TTC39B: variants seen among roughly 807,000 people sequenced by gnomAD.
TTC39B encodes the protein tetratricopeptide repeat protein 39B.
Under a neutral mutation model 96.6 loss-of-function variants are expected in TTC39B, and 92 were observed. The ratio of observed to expected loss-of-function variants is 0.95; its 90% CI spans 0.80 to 1.13. TTC39B has a LOEUF of 1.13. Among genes scored for constraint, TTC39B ranks in the 50% most tolerant of loss-of-function variants. TTC39B has a pLI of 0.00. For missense variants in TTC39B, 955 were observed against 809.3 expected, an observed-to-expected ratio of 1.18 and a Z score of -2.18; for synonymous variants, 367 against 299.4, an observed-to-expected ratio of 1.23 and a Z score of -2.33.
At chr9:15,270,298 A>G (rs1823295757) in intron 1 of TTC39B, among the ~76,000 whole-genome samples, 1 of 152,210 alleles carries the variant, frequency 6.6e-6, no homozygotes, top group Non-Finnish European at 1.5e-5. Flanking sequence ...ACAGGTTATC[A>G]TGTGAGTAGT....
At chr9:15,292,056 T>C (rs978309523) in intron 1 of TTC39B, among the ~76,000 whole-genome samples, 1 of 152,216 alleles carries the variant, frequency 6.6e-6, no homozygotes, top group Non-Finnish European at 1.5e-5. Context: ...AATTAGCAAA[T>C]ATGTGTAAAG....
At chr9:15,195,334 C>T (rs1379430100) in intron 8 of TTC39B, among the ~76,000 whole-genome samples, 1 of 152,056 alleles carries the variant, frequency 6.6e-6, no homozygotes, top group Non-Finnish European at 1.5e-5. Context: ...TGGAAGCTAA[C>T]AGAGGTTGTT....
intron 1 of TTC39B, among the ~76,000 whole-genome samples, chr9:15,304,481 C>T (rs1184257393): frequency 6.6e-6 from 1 of 152,154 alleles, no homozygotes; most frequent in Non-Finnish European, 1.5e-5. Context: ...ATTTATCATA[C>T]TAGCACCTAA....
At chr9:15,208,414 A>T (rs1820000123) in intron 6 of TTC39B, among the ~76,000 whole-genome samples, 1 of 152,174 alleles carries the variant, frequency 6.6e-6, no homozygotes, top group South Asian at 2.1e-4. Context: ...CAGCCTTCAT[A>T]CTAAAAGGAA....
At chr9:15,199,838 C>CCACATCTT (rs1564338056) in intron 8 of TTC39B, 23 bp downstream of exon 8, 1 of 1,297,552 alleles carries the variant, frequency 7.7e-7, no homozygotes, top group South Asian at 1.2e-5. Context: ...TATTTACAAA[C>CCACATCTT]CACATCTTAC....
chr9:15,300,722 C>A (rs1480383943), intron 1 of TTC39B, among the ~76,000 whole-genome samples: 1 of 151,968 alleles, frequency 6.6e-6, no homozygotes, highest in Non-Finnish European at 1.5e-5. Flanking sequence ...CCCGTCTCTA[C>A]TAAAAATACA....
chr9:15,268,954 G>A (rs908270755), intron 1 of TTC39B, among the ~76,000 whole-genome samples: 2 of 152,010 alleles, frequency 1.3e-5, no homozygotes, highest in South Asian at 2.1e-4. Context: ...AAACAGCCCC[G>A]CCAGCCTCTG....
At chr9:15,169,285 G>C (rs1564301329) in exon 20 of TTC39B, 1 of 152,122 alleles carries the variant, frequency 6.6e-6, no homozygotes, top group African/African-American at 2.4e-5. Context: ...GTATCAGGGA[G>C]CATAGAAAAC....
intron 7 of TTC39B, among the ~76,000 whole-genome samples, chr9:15,200,827 C>T (rs764667524): frequency 1.3e-5 from 2 of 152,120 alleles, no homozygotes; most frequent in East Asian, 1.9e-4. Flanking sequence ...GGTGAAACCC[C>T]GTCTCTACTA....
chr9:15,192,794 T>C (rs1818934308), intron 8 of TTC39B, 99 bp from the exon 9 acceptor site: 1 of 769,756 alleles, frequency 1.3e-6, no homozygotes, highest in Non-Finnish European at 2.1e-6. Flanking sequence ...ATAAATGTCA[T>C]TAATTAAAAT....
At chr9:15,223,999 G>T (rs1465231954) in intron 3 of TTC39B, among the ~76,000 whole-genome samples, 1 of 151,812 alleles carries the variant, frequency 6.6e-6, no homozygotes, top group Non-Finnish European at 1.5e-5. Flanking sequence ...ACTCCTTCCC[G>T]ACTCAGAAAT....
At chr9:15,189,817 C>A in intron 11 of TTC39B, 25 bp from the exon 12 acceptor site, 9 of 1,529,820 alleles carry the variant, frequency 5.9e-6, no homozygotes, top group South Asian at 2.3e-5. Context: ...GGAAAAGACT[C>A]AGTCTTCATA....
At chr9:15,250,023 A>AC (rs1218747583) in intron 2 of TTC39B, 1 of 1,287,932 alleles carries the variant, frequency 7.8e-7, no homozygotes, top group Admixed American at 2.3e-5. Flanking sequence ...AAAAGAAGAG[A>AC]CAAACCTCAA....
At chr9:15,303,360 A>G (rs1824660131) in intron 1 of TTC39B, among the ~76,000 whole-genome samples, 1 of 152,022 alleles carries the variant, frequency 6.6e-6, no homozygotes, top group African/African-American at 2.4e-5. Context: ...TATTGAAAAA[A>G]TCATTTTCTG....
At chr9:15,181,058 C>T (rs143535600) in intron 17 of TTC39B, among the ~76,000 whole-genome samples, 1 of 152,208 alleles carries the variant, frequency 6.6e-6, no homozygotes, top group East Asian at 1.9e-4. Flanking sequence ...TCCAAATTTC[C>T]ACTGCATTTT....
intron 1 of TTC39B, among the ~76,000 whole-genome samples, chr9:15,300,166 T>C (rs1824533153): frequency 6.6e-6 from 1 of 152,152 alleles, no homozygotes; most frequent in South Asian, 2.1e-4. Flanking sequence ...TGCTCCGCAA[T>C]CAGAAAATTC....
intron 2 of TTC39B, among the ~76,000 whole-genome samples, chr9:15,262,814 A>G (rs891995089): frequency 1.3e-5 from 2 of 152,230 alleles, no homozygotes; most frequent in Admixed American, 1.3e-4. Flanking sequence ...AGAGCACTGC[A>G]TCTTGATACA....
At chr9:15,228,785 T>G (rs778732754) in intron 2 of TTC39B, among the ~76,000 whole-genome samples, 1 of 152,212 alleles carries the variant, frequency 6.6e-6, no homozygotes, top group Non-Finnish European at 1.5e-5. Flanking sequence ...GTGCCTAAAT[T>G]AATCTGTTAA....
chr9:15,278,210 T>C (rs1317798639), intron 1 of TTC39B, among the ~76,000 whole-genome samples: 1 of 152,098 alleles, frequency 6.6e-6, no homozygotes, highest in African/African-American at 2.4e-5. Context: ...AAAAGAAAAA[T>C]CGTGTATATA....
Sources: allele counts gnomAD v4.1 joint callset (sites outside exome capture counted in the v4.1 genomes callset), GRCh38; gene constraint gnomAD v4.1.1; transcripts MANE v1.5; gene names NCBI Gene and HGNC (gene_info 2026-07-23, HGNC 2026-07-21).